Variants in ATF2 observed in about 807,000 individuals in gnomAD.
ATF2 encodes activating transcription factor 2.
In ATF2, 24 loss-of-function variants were observed where a neutral mutation model predicts 60.6. That is an observed-to-expected ratio of 0.40 (90% CI 0.29 to 0.56). ATF2 has a LOEUF of 0.56. Ranked by LOEUF, ATF2 falls within the 20% of genes least tolerant of loss-of-function variation. The pLI, the probability that ATF2 is intolerant of heterozygous loss-of-function variation, is 0.54. For synonymous variants in ATF2, 206 were observed against 215.4 expected, an observed-to-expected ratio of 0.96 and a Z score of 0.38; for missense variants, 433 against 607.7, an observed-to-expected ratio of 0.71 and a Z score of 3.02.
chr2:175,152,742 C>T (rs1164460372), intron 1 of ATF2, among the ~76,000 whole-genome samples: 1 of 151,994 alleles, frequency 6.6e-6, no homozygotes, highest in Non-Finnish European at 1.5e-5. Flanking sequence ...AAGCTGGCAA[C>T]AAAATTATGC....
intron 3 of ATF2, among the ~76,000 whole-genome samples, chr2:175,135,457 G>T (rs149913856): frequency 6.6e-6 from 1 of 152,116 alleles, no homozygotes; most frequent in Non-Finnish European, 1.5e-5. Context: ...TTCAATTTAC[G>T]ATGGGTTTAT....
intron 13 of ATF2, among the ~76,000 whole-genome samples, chr2:175,079,802 T>C (rs1034521534): frequency 2.1e-4 from 32 of 152,294 alleles, no homozygotes; most frequent in African/African-American, 7.2e-4. Flanking sequence ...TGGATACATA[T>C]GGTTGAAACA....
intron 4 of ATF2, 25 bp from the exon 5 acceptor site, chr2:175,121,565 A>G (rs1438134515): frequency 7.2e-6 from 11 of 1,529,430 alleles, no homozygotes; most frequent in Non-Finnish European, 8.9e-6. Flanking sequence ...TTTAAAATAT[A>G]GTTAAGATTT....
At chr2:175,127,825 C>A (rs558264999) in intron 4 of ATF2, among the ~76,000 whole-genome samples, 1 of 152,008 alleles carries the variant, frequency 6.6e-6, no homozygotes, top group Non-Finnish European at 1.5e-5. Context: ...TTGCATTAAC[C>A]CTGATAACTC....
rs893991155 is a variant in ATF2, at chr2:175,155,067, G to C, written c.-142-3909C>G. Among the ~76,000 whole-genome samples, 6 of 152,120 alleles carry C rather than the reference G, an allele frequency of 3.9e-5. No individual in the cohort carries two copies. The South Asian group carries it at 1.0e-3, about 26-fold the overall frequency. On this transcript the variant is annotated intron_variant, in intron 1 of 13. Coordinates refer to ENST00000264110, the MANE Select transcript of ATF2 (RefSeq NM_001880.4). ...CAGTATGGGATACAGACAAAGTGGG[G>C]TATGTATTACTAAAGGTACACACTA...
At chr2:175,097,321 T>C in intron 11 of ATF2, 123 bp downstream of exon 11, 1 of 1,369,022 alleles carries the variant, frequency 7.3e-7, no homozygotes, top group Non-Finnish European at 9.9e-7. Context: ...TTCCTGAGGC[T>C]TTTGATACAT....
At chr2:175,116,982 T>C (rs1696618970) in intron 7 of ATF2, among the ~76,000 whole-genome samples, 1 of 151,956 alleles carries the variant, frequency 6.6e-6, no homozygotes. Flanking sequence ...TGGGAAAATA[T>C]TCATCAATAC....
intron 1 of ATF2, among the ~76,000 whole-genome samples, chr2:175,160,919 T>C (rs1006598432): frequency 6.6e-6 from 1 of 152,012 alleles, no homozygotes; most frequent in Admixed American, 6.6e-5. Flanking sequence ...GTGAGTGTGG[T>C]CCCAGCTATT....
At chr2:175,089,208 A>G (rs929080500) in intron 12 of ATF2, among the ~76,000 whole-genome samples, 5 of 152,108 alleles carry the variant, frequency 3.3e-5, no homozygotes, top group Non-Finnish European at 7.4e-5. Context: ...ATTTATAACC[A>G]ACAGTATTCA....
intron 8 of ATF2, 109 bp downstream of exon 8, chr2:175,114,581 C>A: frequency 1.3e-6 from 2 of 1,497,300 alleles, no homozygotes; most frequent in Middle Eastern, 2.2e-4. Flanking sequence ...AGCATGCACA[C>A]ACATACAAAA....
chr2:175,142,720 A>AGTGT (rs755635658), intron 2 of ATF2, among the ~76,000 whole-genome samples: 50 of 71,180 alleles, frequency 7.0e-4, no homozygotes, highest in African/African-American at 1.1e-3. Flanking sequence ...AGAGAGAGAG[A>AGTGT]GTGTGTGTGT....
chr2:175,134,258 G>A (rs972360266), intron 3 of ATF2, among the ~76,000 whole-genome samples: 1 of 152,050 alleles, frequency 6.6e-6, no homozygotes, highest in Non-Finnish European at 1.5e-5. Flanking sequence ...TAAAGTATAC[G>A]GGAGGATGTG....
chr2:175,136,372 T>G, intron 3 of ATF2, 40 bp downstream of exon 3: 1 of 1,591,248 alleles, frequency 6.3e-7, no homozygotes, highest in South Asian at 1.1e-5. Flanking sequence ...CAACCCAAAA[T>G]GTAAAAAATG....
chr2:175,108,582 G>A (rs1236135502), intron 10 of ATF2, among the ~76,000 whole-genome samples: 32 of 149,262 alleles, frequency 2.1e-4, no homozygotes, highest in African/African-American at 3.4e-4. Flanking sequence ...CCGGCCAGCC[G>A]ACCCGTCCGG....
intron 9 of ATF2, among the ~76,000 whole-genome samples, chr2:175,113,514 C>T (rs1049378473): frequency 4.6e-5 from 7 of 151,868 alleles, no homozygotes; most frequent in African/African-American, 1.7e-4. Context: ...AACTTTTTTG[C>T]GGGGTCTTTT....
rs377325065 is a variant in ATF2 at position 175,137,603 on chromosome 2, CAATT to C, written c.-43-1121_-43-1118del. On this transcript the variant is annotated intron_variant, in intron 2 of 13. Transcript: ENST00000264110. Reference sequence around the variant, plus strand: ...AAGAGGAATATGGAAGTACAATTTTCAATTAATTTGGTAGGAATAAGAGTTAAAA... The same window carrying C: ...AAGAGGAATATGGAAGTACAATTTTCAATTTGGTAGGAATAAGAGTTAAAA... Among the ~76,000 whole-genome samples, 271 of 152,240 alleles carry C rather than the reference CAATT, an allele frequency of 1.8e-3. 1 individual carries two copies. The highest frequency in any genetic ancestry group is 5.9e-3 in the African/African-American group (246 of 41,558).
At chr2:175,117,002 A>G (rs1696620652) in intron 7 of ATF2, among the ~76,000 whole-genome samples, 4 of 151,998 alleles carry the variant, frequency 2.6e-5, no homozygotes, top group Admixed American at 2.0e-4. Flanking sequence ...CTGAGGGTCT[A>G]AAGCACAATA....
intron 10 of ATF2, among the ~76,000 whole-genome samples, chr2:175,108,412 A>G (rs867555862): frequency 0.013 from 1,732 of 134,828 alleles, 36 homozygotes; most frequent in African/African-American, 0.047. Context: ...TCCGGGAGGG[A>G]GGTGGGGGGT....
chr2:175,150,074 G>C (rs931431831), intron 2 of ATF2, among the ~76,000 whole-genome samples: 5 of 152,154 alleles, frequency 3.3e-5, no homozygotes, highest in African/African-American at 1.2e-4. Context: ...ATTTAAGTTA[G>C]TCAAGCAGCT....
Sources: gnomAD v4.1 joint callset for allele counts (sites outside exome capture counted in the v4.1 genomes callset) on GRCh38, gnomAD v4.1.1 for gene constraint, MANE v1.5 for transcripts, NCBI Gene and HGNC (gene_info 2026-07-23, HGNC 2026-07-21) for gene names.